Variants in ACTR8 observed in about 807,000 individuals in gnomAD.
ACTR8 encodes the protein actin related protein 8.
A neutral mutation model predicts 84.3 loss-of-function variants in ACTR8; 70 were observed. The observed-to-expected ratio is 0.83, with a 90% confidence interval of 0.68 to 1.01. The LOEUF is 1.01. ACTR8 is among the 50% of genes least tolerant of loss of function. The pLI, the probability that ACTR8 is intolerant of heterozygous loss-of-function variation, is 0.00. For synonymous variants in ACTR8, 268 were observed against 275.2 expected (o/e 0.97, Z 0.26); for missense variants, 672 against 775.4 (o/e 0.87, Z 1.58).
chr3:53,877,970 C>T (rs1453407568), intron 3 of ACTR8, among the ~76,000 whole-genome samples: 6 of 152,158 alleles, frequency 3.9e-5, no homozygotes, highest in Non-Finnish European at 8.8e-5. Flanking sequence ...TGATTCACAG[C>T]CAGTCCAAAA....
chr3:53,870,406 A>G lies in ACTR8; in HGVS notation c.1568-261T>C. The G allele has an allele frequency of 2.4e-6, 1 of 416,660 alleles. No individual in the cohort carries two copies. Among genetic ancestry groups the G allele is most frequent in the Non-Finnish European group, 4.3e-6 (1 of 230,694 alleles). The allele number at this position is 416,660 out of a possible 1,614,324, so 25.8% of individuals were successfully genotyped here. A position where few individuals can be genotyped will look rare whatever the true frequency, so the allele number is the denominator to read the frequency against. On this transcript the variant is annotated intron_variant, in intron 11 of 12. Transcript: ENST00000335754. The surrounding 1 kb of genome is among the most constrained non-coding windows in gnomAD (Gnocchi z 4.1). ...GGTGGCTCACGCCTGTAATCCCAGC[A>G]CTTTGGGAGGCCAAGGCAGGCAGAT...
At chr3:53,860,935 T>C in the ACTR8 span, 1 of 152,196 alleles carries the variant, frequency 6.6e-6, no homozygotes, top group Non-Finnish European at 1.5e-5. Context: ...CCATTCACAG[T>C]TGAGAGAAAC....
At chr3:53,860,099 T>C in the ACTR8 span, 1 of 1,497,404 alleles carries the variant, frequency 6.7e-7, no homozygotes. Flanking sequence ...GGATTTGTTT[T>C]CCAAAGGTGA....
At chr3:53,864,979 T>C (rs1389264711), downstream of ACTR8, 1 of 1,614,218 alleles carries the variant, frequency 6.2e-7, no homozygotes, top group Admixed American at 1.7e-5. Flanking sequence ...CAAAGTCGTC[T>C]TCCTTCTTTC....
At chr3:53,864,596 C>T (rs1283363817), downstream of ACTR8, 2 of 656,226 alleles carry the variant, frequency 3.0e-6, no homozygotes, top group African/African-American at 3.6e-5. Context: ...TCAAAAGGAA[C>T]ATCAGGATGT....
chr3:53,875,761 G>A (rs1699955462), intron 7 of ACTR8, among the ~76,000 whole-genome samples, 187 bp downstream of exon 7: 1 of 152,218 alleles, frequency 6.6e-6, no homozygotes, highest in African/African-American at 2.4e-5. Context: ...CAATGGGAAG[G>A]GTAAAATGAT....
Position 53,876,639 on chromosome 3 carries a change from T to C in ACTR8, c.759A>G (p.Leu253=). 1.3e-6 allele frequency: 2 copies of C among 1,574,560 alleles called. No homozygotes were observed. The highest frequency in any genetic ancestry group is 1.7e-6 in the Non-Finnish European group (2 of 1,151,302). The change falls in exon 6 of 13, where the codon CTA becomes CTG. Residue 253 remains leucine, a synonymous_variant. Coordinates refer to ENST00000335754, the MANE Select transcript of ACTR8 (RefSeq NM_022899.5). ...QHVKELVNMI[L]MKMGFSGIVV... is the part of the protein sequence containing the mutation. ...ACATACCTGAAAAACCCATCTTCAT[T>C]AGTATCATATTCACTAGTTCTTTCA...
At position 53,878,376 on chromosome 3, in the gene ACTR8, A is replaced by C; in HGVS notation, c.386T>G (p.Ile129Ser). 3 of 1,612,070 alleles carry C rather than the reference A, an allele frequency of 1.9e-6. No individual in the cohort carries two copies. Among genetic ancestry groups the C allele is most frequent in the Non-Finnish European group, 2.5e-6 (3 of 1,178,598 alleles). Reference protein sequence around the residue: ...SKKMSNGTRRIPVSPEQARSY... With the variant: ...SKKMSNGTRRSPVSPEQARSY... ...TCGAACCTGTTCAGGGGACACAGGA[A>C]TGCGTCTTGTACCATTGGACATCTT... The change falls in exon 3 of 13, where the codon ATT (isoleucine) becomes AGT (serine). Residue 129 changes from isoleucine (I) to serine (S), a missense_variant. Physicochemically the swap from Ile to Ser is moderately radical, Grantham distance 142. Coordinates refer to ENST00000335754, the MANE Select transcript of ACTR8 (RefSeq NM_022899.5).
the ACTR8 span, chr3:53,860,382 A>C: frequency 3.8e-6 from 2 of 528,622 alleles, no homozygotes; most frequent in Non-Finnish European, 6.7e-6. Flanking sequence ...ACAGAGACTG[A>C]TACGAGCATG....
intron 8 of ACTR8, among the ~76,000 whole-genome samples, 179 bp downstream of exon 8, chr3:53,874,032 G>C (rs1445684112): frequency 6.6e-6 from 1 of 152,050 alleles, no homozygotes; most frequent in Non-Finnish European, 1.5e-5. Context: ...CACCGTGTTA[G>C]CCAGGATGGT....
chr3:53,876,518 C>CAAATAAAT (rs1024282031), intron 6 of ACTR8, 102 bp downstream of exon 6: 2 of 739,190 alleles, frequency 2.7e-6, no homozygotes, highest in African/African-American at 1.8e-5. Context: ...GACTCTGTCT[C>CAAATAAAT]AAATAAATAA....
rs1417933629 is a variant in ACTR8, at chr3:53,871,500, T to C, written c.1303-4A>G. 6.2e-7 allele frequency: 1 copy of C among 1,613,732 alleles called. No individual in the cohort carries two copies. Among genetic ancestry groups the C allele is most frequent in the Non-Finnish European group, 8.5e-7 (1 of 1,179,898 alleles). ...GGTCAGCAGTAGCTTTTGCAGACTT[T>C]AAATCAAAAGGACAATCAAGTATGT... On this transcript the variant is annotated splice_polypyrimidine_tract_variant and splice_region_variant and intron_variant, in intron 10 of 12. Transcript: ENST00000335754.
Position 53,868,811 on chromosome 3 carries a change from A to G in ACTR8, c.1783T>C (p.Leu595=), listed in dbSNP as rs1699837084. The G allele has an allele frequency of 6.2e-7, 1 of 1,614,214 alleles. No individual in the cohort carries two copies. The highest frequency in any genetic ancestry group is 1.1e-5 in the South Asian group (1 of 91,084). ...AWKGGAVLAC[L]DTTQELWIYQ... ...ATCCACAGTTCCTGTGTTGTATCCA[A>G]ACAAGCCAACACTGCCCCTCCTTTC... The change falls in exon 13 of 13, where the codon TTG becomes CTG. Residue 595 remains leucine, a synonymous_variant. Transcript: ENST00000335754.
intron 2 of ACTR8, among the ~76,000 whole-genome samples, chr3:53,879,034 T>C (rs1334746697): frequency 6.6e-6 from 1 of 152,262 alleles, no homozygotes; most frequent in Non-Finnish European, 1.5e-5. Context: ...GTTTTGACAA[T>C]GACACATTCC....
chr3:53,882,096 G>C lies in ACTR8; in HGVS notation c.6C>G (p.Thr2=). 6.4e-7 allele frequency: 1 copy of C among 1,551,500 alleles called. No homozygotes were observed. Among genetic ancestry groups the C allele is most frequent in the Non-Finnish European group, 8.7e-7 (1 of 1,146,796 alleles). ...TCTCCGTATCACCCTTCTCAGCCTG[G>C]GTCATTATGGCCGGAGACACCCACC... M[T]QAEKGDTENG... Residue 2 remains threonine (T), a synonymous_variant, in exon 1 of 13, where the codon ACC becomes ACG. Transcript: ENST00000335754.
At position 53,881,746 on chromosome 3, in the gene ACTR8, G is replaced by A. The variant is rs1234890324; in HGVS notation, c.123+233C>T. On this transcript the variant is annotated intron_variant, in intron 1 of 12. Transcript: ENST00000335754. Reference sequence around the variant, plus strand: ...CAACCAGACGGTGGGGCGTGCGGGAGATCGGAGCGGTGTCCCTGCGGGGGC... The same window carrying A: ...CAACCAGACGGTGGGGCGTGCGGGAAATCGGAGCGGTGTCCCTGCGGGGGC... 9.5e-6 allele frequency: 6 copies of A among 631,726 alleles called. No homozygotes were observed. The Admixed American group carries it at 1.5e-4, about 16-fold the overall frequency. The allele number at this position is 631,726 out of a possible 1,614,324, so 39.1% of individuals were successfully genotyped here. A position where few individuals can be genotyped will look rare whatever the true frequency, so the allele number is the denominator to read the frequency against.
chr3:53,864,686 A>T, downstream of ACTR8: 2 of 1,267,234 alleles, frequency 1.6e-6, no homozygotes, highest in Non-Finnish European at 2.2e-6. Flanking sequence ...GGGATGGTTT[A>T]CAGAGTGAAA....
chr3:53,866,228 T>A (rs1156433023), downstream of ACTR8, among the ~76,000 whole-genome samples: 1 of 152,120 alleles, frequency 6.6e-6, no homozygotes, highest in African/African-American at 2.4e-5. Flanking sequence ...ACAAAAGATT[T>A]AAAAAATTAG....
the ACTR8 span, among the ~76,000 whole-genome samples, chr3:53,861,828 A>C: frequency 6.6e-6 from 1 of 152,184 alleles, no homozygotes; most frequent in South Asian, 2.1e-4. Flanking sequence ...GTGCAGATGA[A>C]AGTGTCCTCT....
Sources: gnomAD v4.1 joint callset for allele counts (sites outside exome capture counted in the v4.1 genomes callset) on GRCh38, gnomAD v4.1.1 for gene constraint, Gnocchi (gnomAD v3.1) non-coding constraint, MANE v1.5 for transcripts, NCBI Gene and HGNC (gene_info 2026-07-23, HGNC 2026-07-21) for gene names.